Variants in PDS5A observed in about 807,000 individuals in gnomAD.
PDS5A encodes PDS5 cohesin associated factor A.
PDS5A carries 42 observed loss-of-function variants against 167.1 expected under a neutral mutation model. That is an observed-to-expected ratio of 0.25 (90% CI 0.20 to 0.33). PDS5A has a LOEUF of 0.33. Among genes scored for constraint, PDS5A ranks in the 10% least tolerant of loss-of-function variants. The pLI, the probability that PDS5A is intolerant of heterozygous loss-of-function variation, is 1.00. For missense variants in PDS5A, 1,033 were observed against 1,605.9 expected, an observed-to-expected ratio of 0.64 and a Z score of 6.10; for synonymous variants, 553 against 554.6, an observed-to-expected ratio of 1.00 and a Z score of 0.04.
At chr4:39,905,776 C>T (rs1014762234) in intron 11 of PDS5A, among the ~76,000 whole-genome samples, 5 of 146,762 alleles carry the variant, frequency 3.4e-5, no homozygotes, top group Non-Finnish European at 6.0e-5. Flanking sequence ...ATGCCTCTGA[C>T]GAAGAAAGGA....
chr4:39,920,904 T>C (rs938308357), intron 6 of PDS5A, among the ~76,000 whole-genome samples: 6 of 152,216 alleles, frequency 3.9e-5, no homozygotes, highest in Admixed American at 2.0e-4. Flanking sequence ...TATGCTCCCG[T>C]TTCAAGAGTC....
Position 39,909,086 on chromosome 4 carries a change from A to G in PDS5A, c.1088-546T>C, listed in dbSNP as rs935586138. Among the ~76,000 whole-genome samples the G allele has an allele frequency of 4.0e-5, 6 of 150,692 alleles. 1 individual carries two copies. Among genetic ancestry groups the G allele is most frequent in the African/African-American group, 1.5e-4 (6 of 40,672 alleles). ...AAAATAAAATAAAATAAAATAAAAT[A>G]AAATAAAATACTTCACAGTTACATC... On this transcript the variant is annotated intron_variant, in intron 10 of 32. Transcript: ENST00000303538.
At chr4:39,971,000 G>C (rs940393956) in intron 2 of PDS5A, among the ~76,000 whole-genome samples, 1 of 151,210 alleles carries the variant, frequency 6.6e-6, no homozygotes, top group Non-Finnish European at 1.5e-5. Context: ...TCAAATTCCT[G>C]GGCTCAAGTG....
chr4:39,926,528 A>AG (rs1053323220), intron 4 of PDS5A, among the ~76,000 whole-genome samples: 3 of 151,698 alleles, frequency 2.0e-5, no homozygotes, highest in Non-Finnish European at 4.4e-5. Flanking sequence ...CAAAAAAAAA[A>AG]AAAGAAAGAA....
At chr4:39,963,911 CT>C (rs1035184282) in intron 2 of PDS5A, among the ~76,000 whole-genome samples, 68 of 151,704 alleles carry the variant, frequency 4.5e-4, no homozygotes, top group South Asian at 4.2e-3. Context: ...AAGAAATTAG[CT>C]TTTTTTTCCC....
chr4:39,902,522 A>ATTT (rs199900186), intron 12 of PDS5A, 62 bp from the exon 13 acceptor site: 240 of 597,028 alleles, frequency 4.0e-4, no homozygotes, highest in Admixed American at 6.2e-4. Context: ...TTAAGAAGCA[A>ATTT]TTTTTTTTTT....
At chr4:39,839,754 TGG>T (rs3070809) in intron 31 of PDS5A, among the ~76,000 whole-genome samples, 47,611 of 107,572 alleles carry the variant, frequency 0.44, 10,691 homozygotes, top group Middle Eastern at 0.62. Context: ...AATATGATTC[TGG>T]GGGGGGGGGG....
chr4:39,884,487 T>G (rs1175959703), intron 17 of PDS5A, among the ~76,000 whole-genome samples: 1 of 152,328 alleles, frequency 6.6e-6, no homozygotes, highest in Non-Finnish European at 1.5e-5. Context: ...GAAAGGACTG[T>G]CCTATGCCTT....
In PDS5A at chr4:39,920,332, G is replaced by T. The variant is rs1223322361; in HGVS notation, c.722C>A (p.Ala241Glu). 2 of 1,469,524 alleles carry T rather than the reference G, an allele frequency of 1.4e-6. No homozygotes were observed. Among genetic ancestry groups the T allele is most frequent in the East Asian group, 2.3e-5 (1 of 43,428 alleles). 91.0% of individuals were successfully genotyped at this position (1,469,524 alleles called of 1,614,324 possible). ...AGAAATACATACATTAGCAATGCAT[G>T]CCTCAATAGTCTGGACTGTTCTTTT... is the stretch of plus-strand genomic sequence containing the variant. ...LLKRTVQTIEACIANFFNQVL... is the reference protein window; with the variant it reads ...LLKRTVQTIEECIANFFNQVL... Residue 241 changes from alanine to glutamate, a missense_variant, in exon 7 of 33, where the codon GCA becomes GAA. Ala to Glu is a moderately radical substitution (Grantham distance 107, BLOSUM62 -1). Coordinates refer to ENST00000303538, the MANE Select transcript of PDS5A (RefSeq NM_001100399.2).
intron 18 of PDS5A, among the ~76,000 whole-genome samples, chr4:39,879,127 C>G (rs1261829976): frequency 6.6e-6 from 1 of 152,150 alleles, no homozygotes; most frequent in Non-Finnish European, 1.5e-5. Context: ...TGTCTCTTCT[C>G]CTGTATGTCA....
At chr4:39,875,617 G>GA (rs1204457496) in intron 19 of PDS5A, among the ~76,000 whole-genome samples, 2 of 152,132 alleles carry the variant, frequency 1.3e-5, no homozygotes, top group Non-Finnish European at 2.9e-5. Flanking sequence ...TAGTTGGTAT[G>GA]AATCTGATTT....
Position 39,928,102 on chromosome 4 carries a change from G to A in PDS5A, c.201C>T (p.Leu67=), listed in dbSNP as rs368687516. 6.8e-6 allele frequency: 11 copies of A among 1,613,088 alleles called. No individual in the cohort carries two copies. The African/African-American group carries it at 1.5e-4, about 22-fold the overall frequency. Residue 67 remains leucine, a synonymous_variant, in exon 3 of 33, where the codon CTC becomes CTT. Coordinates refer to ENST00000303538, the MANE Select transcript of PDS5A (RefSeq NM_001100399.2). ...QDSEDEKQQY[L]PLALHLASEF... ...CAGATGCAAGATGCAAGGCTAGTGGGAGATACTGCTGTTTTTCATCTTCTG... is the reference window on the plus strand; with the variant it reads ...CAGATGCAAGATGCAAGGCTAGTGGAAGATACTGCTGTTTTTCATCTTCTG...
intron 2 of PDS5A, among the ~76,000 whole-genome samples, chr4:39,931,228 T>C (rs761818291): frequency 8.7e-5 from 13 of 150,116 alleles, no homozygotes; most frequent in African/African-American, 3.2e-4. Flanking sequence ...CAGCTGATAC[T>C]ACAGCACACG....
At chr4:39,892,049 T>C (rs1722019047) in intron 16 of PDS5A, among the ~76,000 whole-genome samples, 1 of 152,028 alleles carries the variant, frequency 6.6e-6, no homozygotes. Context: ...TAGGCAGAGG[T>C]TGCAGTGACC....
At chr4:39,898,337 C>A (rs1037564627) in intron 16 of PDS5A, 52 bp downstream of exon 16, 2 of 1,479,150 alleles carry the variant, frequency 1.4e-6, no homozygotes, top group Admixed American at 2.5e-5. Context: ...TAATAAAATA[C>A]ATATTTCTGT....
At chr4:39,940,816 C>G (rs1451226933) in intron 2 of PDS5A, among the ~76,000 whole-genome samples, 1 of 152,190 alleles carries the variant, frequency 6.6e-6, no homozygotes, top group East Asian at 1.9e-4. Flanking sequence ...CTATGCCTGG[C>G]TAAATTTTGG....
At chr4:39,825,871 A>G (rs1715257132) in intron 32 of PDS5A, among the ~76,000 whole-genome samples, 2 of 152,140 alleles carry the variant, frequency 1.3e-5, no homozygotes, top group Admixed American at 1.3e-4. Flanking sequence ...CAGATTCACT[A>G]CTGGGATTAC....
chr4:39,884,015 G>A (rs34515843), intron 17 of PDS5A, among the ~76,000 whole-genome samples: 17,304 of 150,790 alleles, frequency 0.11, 1,060 homozygotes, highest in Middle Eastern at 0.19. Context: ...TGCAACCTCC[G>A]CCTCCTAGGT....
At chr4:39,877,221 C>G (rs1411227787) in intron 18 of PDS5A, 68 bp from the exon 19 acceptor site, 9 of 998,960 alleles carry the variant, frequency 9.0e-6, no homozygotes, top group Non-Finnish European at 1.0e-5. Context: ...GAATTACTTC[C>G]CGCAAAAGAA....
Sources: gnomAD v4.1 joint callset for allele counts (sites outside exome capture counted in the v4.1 genomes callset) on GRCh38, gnomAD v4.1.1 for gene constraint, MANE v1.5 for transcripts, NCBI Gene and HGNC (gene_info 2026-07-23, HGNC 2026-07-21) for gene names.